LOXHD1: variants seen among roughly 807,000 people sequenced by gnomAD.
LOXHD1 encodes the protein lipoxygenase homology PLAT domains 1.
In LOXHD1, 205 loss-of-function variants were observed where a neutral mutation model predicts 248.2. The ratio of observed to expected loss-of-function variants is 0.83; its 90% CI spans 0.74 to 0.93. LOXHD1 has a LOEUF of 0.93. Ranked by LOEUF, LOXHD1 falls within the 40% of genes least tolerant of loss-of-function variation. The pLI is 0.00. For missense variants in LOXHD1, 2,930 were observed against 2,971.6 expected, an observed-to-expected ratio of 0.99 and a Z score of 0.33; for synonymous variants, 1,113 against 1,162.8, an observed-to-expected ratio of 0.96 and a Z score of 0.87.
chr18:46,494,847 C>CTTTTTTTTT lies in LOXHD1; in HGVS notation c.5879-5706_5879-5705insAAAAAAAAA, dbSNP rs1256277774. On this transcript the variant is annotated intron_variant, in intron 37 of 40. Transcript: ENST00000642948. ...ATTTTTCTTTCTCCTTTTTCTCTCT[C>CTTTTTTTTT]TCTTTTTTTTTTTTTTTTTTTTTTG... Among the ~76,000 whole-genome samples the CTTTTTTTTT allele has an allele frequency of 3.5e-3, 399 of 113,286 alleles. 16 individuals are homozygous for CTTTTTTTTT. The highest frequency in any genetic ancestry group is 4.9e-3 in the Non-Finnish European group (253 of 52,028). 74.3% of individuals were successfully genotyped at this position (113,286 alleles called of 152,430 possible).
chr18:46,478,273 A>T (rs753083598), intron 40 of LOXHD1, among the ~76,000 whole-genome samples: 3 of 151,386 alleles, frequency 2.0e-5, no homozygotes, highest in Non-Finnish European at 4.4e-5. Flanking sequence ...CTGGTCTGGA[A>T]CTCCTGACCT....
At chr18:46,616,107 AT>A (rs1172274480) in intron 5 of LOXHD1, among the ~76,000 whole-genome samples, 1 of 152,010 alleles carries the variant, frequency 6.6e-6, no homozygotes, top group African/African-American at 2.4e-5. Context: ...GGATTTTTGA[AT>A]TTTCATCTAA....
chr18:46,575,828 T>C (rs1046251688), intron 14 of LOXHD1, among the ~76,000 whole-genome samples: 1 of 152,176 alleles, frequency 6.6e-6, no homozygotes, highest in Admixed American at 6.5e-5. Flanking sequence ...AATCTCCTAC[T>C]GCTCTCCCCT....
chr18:46,634,012 A>AG, intron 4 of LOXHD1, among the ~76,000 whole-genome samples: 1 of 152,242 alleles, frequency 6.6e-6, no homozygotes, highest in East Asian at 1.9e-4. Flanking sequence ...GTAAAATGGT[A>AG]CAACCACTGT....
chr18:46,518,522 T>C (rs1275038500), intron 33 of LOXHD1, among the ~76,000 whole-genome samples: 2 of 152,256 alleles, frequency 1.3e-5, no homozygotes, highest in Non-Finnish European at 2.9e-5. Context: ...TGGCGTTAAC[T>C]GACGCTGTCA....
intron 1 of LOXHD1, among the ~76,000 whole-genome samples, 158 bp from the exon 2 acceptor site, chr18:46,649,427 C>T (rs1452146377): frequency 2.6e-5 from 4 of 152,280 alleles, no homozygotes; most frequent in Admixed American, 6.5e-5. Flanking sequence ...GTGAGACCCA[C>T]GATATGTCCT....
intron 38 of LOXHD1, 68 bp downstream of exon 38, chr18:46,488,904 G>T: frequency 6.7e-7 from 1 of 1,497,458 alleles, no homozygotes; most frequent in Non-Finnish European, 9.0e-7. Context: ...CCTCCAGCTG[G>T]AACGGTGTCT....
chr18:46,610,405 TG>T (rs1348380115), intron 6 of LOXHD1, among the ~76,000 whole-genome samples: 1 of 31,876 alleles, frequency 3.1e-5, no homozygotes, highest in African/African-American at 1.3e-4. Context: ...TGTCGGGGGC[TG>T]GGGGGCTGGG....
At chr18:46,642,937 C>T (rs963201060) in intron 2 of LOXHD1, among the ~76,000 whole-genome samples, 6 of 152,306 alleles carry the variant, frequency 3.9e-5, no homozygotes, top group African/African-American at 1.2e-4. Flanking sequence ...AGGAACAGCA[C>T]ACAGCTCATG....
At chr18:46,610,984 C>T (rs779050553) in intron 5 of LOXHD1, 60 bp from the exon 6 acceptor site, 328 of 1,533,272 alleles carry the variant, frequency 2.1e-4, no homozygotes, top group Non-Finnish European at 2.7e-4. Context: ...AATTTCCAAG[C>T]CTTCATGGTC....
intron 4 of LOXHD1, among the ~76,000 whole-genome samples, chr18:46,637,747 A>C (rs962044937): frequency 6.6e-6 from 1 of 152,162 alleles, no homozygotes; most frequent in Non-Finnish European, 1.5e-5. Flanking sequence ...ATAATCAAAC[A>C]ATACTACCAA....
intron 4 of LOXHD1, among the ~76,000 whole-genome samples, chr18:46,628,972 TG>T (rs1349536553): frequency 6.6e-6 from 1 of 152,014 alleles, no homozygotes; most frequent in African/African-American, 2.4e-5. Context: ...GAGTCCATGG[TG>T]GGGGACTATC....
Position 46,524,564 on chromosome 18 carries a change from G to C in LOXHD1, c.4778C>G (p.Pro1593Arg). 6.4e-7 allele frequency: 1 copy of C among 1,551,724 alleles called. No individual in the cohort carries two copies. Among genetic ancestry groups the C allele is most frequent in the Non-Finnish European group, 8.7e-7 (1 of 1,147,004 alleles). ...TGDRSSNCSS[P>R]ADFWEIALSS... is the part of the protein sequence containing the mutation. Reference sequence around the variant, plus strand: ...CAGGGCGATCTCCCAGAAGTCAGCAGGGCTGCTGCAGTTGCTGCTGCGGTC... The same window carrying C: ...CAGGGCGATCTCCCAGAAGTCAGCACGGCTGCTGCAGTTGCTGCTGCGGTC... Residue 1593 changes from proline (P) to arginine (R), a missense_variant, in exon 31 of 41, where the codon CCT becomes CGT. Pro to Arg is a moderately radical substitution (Grantham distance 103). Transcript: ENST00000642948.
intron 5 of LOXHD1, among the ~76,000 whole-genome samples, chr18:46,617,963 C>T (rs1293172165): frequency 1.3e-5 from 2 of 152,160 alleles, no homozygotes; most frequent in East Asian, 1.9e-4. Context: ...AACCCACACA[C>T]CAGCCATACT....
chr18:46,535,680 C>T (rs2036280029), intron 26 of LOXHD1, among the ~76,000 whole-genome samples: 1 of 152,154 alleles, frequency 6.6e-6, no homozygotes, highest in African/African-American at 2.4e-5. Context: ...GCAATTCTCT[C>T]CTGCCTCAGC....
intron 12 of LOXHD1, 86 bp from the exon 13 acceptor site, chr18:46,579,870 T>C: frequency 7.0e-7 from 1 of 1,438,820 alleles, no homozygotes; most frequent in Non-Finnish European, 9.4e-7. Context: ...AAGCTCTGAT[T>C]CCTCCTCTCC....
intron 2 of LOXHD1, among the ~76,000 whole-genome samples, chr18:46,644,671 T>C (rs1002017283): frequency 6.6e-6 from 1 of 152,058 alleles, no homozygotes; most frequent in Admixed American, 6.5e-5. Flanking sequence ...TGAGTGAGCC[T>C]TGATCTTGAC....
At chr18:46,620,879 C>T (rs1365772119) in intron 4 of LOXHD1, among the ~76,000 whole-genome samples, 5 of 152,180 alleles carry the variant, frequency 3.3e-5, no homozygotes, top group Admixed American at 6.5e-5. Flanking sequence ...CTGGGCAGCA[C>T]GAACGCACAC....
At chr18:46,649,804 A>C (rs1303844155) in intron 1 of LOXHD1, among the ~76,000 whole-genome samples, 1 of 151,654 alleles carries the variant, frequency 6.6e-6, no homozygotes, top group Non-Finnish European at 1.5e-5. Context: ...GTCTCCTCAA[A>C]CCCTTGAAGC....
Sources: allele counts gnomAD v4.1 joint callset (sites outside exome capture counted in the v4.1 genomes callset), GRCh38; gene constraint gnomAD v4.1.1; transcripts MANE v1.5; gene names NCBI Gene and HGNC (gene_info 2026-07-23, HGNC 2026-07-21).